Variants in TBCK observed in about 807,000 individuals in gnomAD.
TBCK encodes TBC1 domain containing kinase.
TBCK carries 99 observed loss-of-function variants against 113.4 expected under a neutral mutation model. The observed-to-expected ratio is 0.87, with a 90% CI of 0.74 to 1.03. The LOEUF (loss-of-function observed/expected upper bound fraction) is 1.03. TBCK is among the 50% of genes least tolerant of loss of function. TBCK has a pLI of 0.00. For synonymous variants in TBCK, 369 were observed against 370.8 expected, an observed-to-expected ratio of 1.00 and a Z score of 0.05; for missense variants, 1,045 against 1,061.3, an observed-to-expected ratio of 0.98 and a Z score of 0.21.
intron 22 of TBCK, among the ~76,000 whole-genome samples, chr4:106,178,062 C>A (rs975585804): frequency 6.6e-6 from 1 of 151,620 alleles, no homozygotes; most frequent in South Asian, 2.1e-4. Context: ...TTTGTTCCTA[C>A]ATATTTTATT....
chr4:106,177,249 T>C lies in TBCK; in HGVS notation c.2060-5979A>G, dbSNP rs188027075. 2.0e-5 allele frequency among the ~76,000 whole-genome samples: 3 copies of C among 151,896 alleles called. No individual in the cohort carries two copies. The East Asian group carries it at 5.8e-4, about 29-fold the overall frequency. ...ATGTACTCTGGCTACTAATCCTTTGTTGGTTGAAGAGTTTGCACATTTCCT... is the reference window on the plus strand; with the variant it reads ...ATGTACTCTGGCTACTAATCCTTTGCTGGTTGAAGAGTTTGCACATTTCCT... On this transcript the variant is annotated intron_variant, in intron 22 of 25. Coordinates refer to ENST00000394708, the MANE Select transcript of TBCK (RefSeq NM_001163435.3).
intron 23 of TBCK, among the ~76,000 whole-genome samples, chr4:106,145,441 C>T (rs941059374): frequency 6.6e-6 from 1 of 152,206 alleles, no homozygotes; most frequent in Admixed American, 6.5e-5. Context: ...TACTCATGCT[C>T]ACACATATTC....
chr4:106,229,960 A>G (rs1324958374), intron 19 of TBCK, among the ~76,000 whole-genome samples: 2 of 151,954 alleles, frequency 1.3e-5, no homozygotes, highest in Non-Finnish European at 2.9e-5. Flanking sequence ...TTGGGTATGC[A>G]TGCATGGGAA....
chr4:106,070,565 G>A (rs1003919335), intron 25 of TBCK, among the ~76,000 whole-genome samples: 6 of 151,964 alleles, frequency 3.9e-5, no homozygotes, highest in African/African-American at 9.7e-5. Context: ...GAGGATTTTC[G>A]CATGGGTGTT....
intron 25 of TBCK, among the ~76,000 whole-genome samples, chr4:106,073,675 C>A (rs1422931573): frequency 6.6e-6 from 1 of 152,184 alleles, no homozygotes; most frequent in Non-Finnish European, 1.5e-5. Flanking sequence ...TTTAAGTCTG[C>A]AGAAGTTTCT....
At chr4:106,079,007 C>G (rs532333323) in intron 25 of TBCK, among the ~76,000 whole-genome samples, 2 of 152,202 alleles carry the variant, frequency 1.3e-5, no homozygotes, top group African/African-American at 4.8e-5. Flanking sequence ...ATATGATTCA[C>G]TACATAAACA....
intron 5 of TBCK, among the ~76,000 whole-genome samples, chr4:106,255,417 T>C (rs1761873902): frequency 6.6e-6 from 1 of 152,014 alleles, no homozygotes; most frequent in Non-Finnish European, 1.5e-5. Flanking sequence ...GAGTGTGGGG[T>C]CTGGCCACTG....
At chr4:106,292,434 G>A (rs887420007) in intron 3 of TBCK, among the ~76,000 whole-genome samples, 1 of 151,982 alleles carries the variant, frequency 6.6e-6, no homozygotes, top group African/African-American at 2.4e-5. Flanking sequence ...GCAAGGCATG[G>A]TGGTGGGCGC....
intron 12 of TBCK, 96 bp downstream of exon 12, chr4:106,242,374 G>T: frequency 4.0e-6 from 3 of 746,982 alleles, no homozygotes; most frequent in Non-Finnish European, 6.1e-6. Context: ...CCCATATTTT[G>T]TGAAATCAAA....
At chr4:106,084,544 C>T (rs560618567) in intron 25 of TBCK, among the ~76,000 whole-genome samples, 2 of 152,256 alleles carry the variant, frequency 1.3e-5, no homozygotes, top group South Asian at 2.1e-4. Context: ...ACTTCCCCAA[C>T]CTAGCAAAAC....
intron 23 of TBCK, among the ~76,000 whole-genome samples, chr4:106,141,808 A>G (rs1036269397): frequency 7.1e-6 from 1 of 141,146 alleles, no homozygotes; most frequent in Admixed American, 7.0e-5. Flanking sequence ...TCATTTAGCT[A>G]TAAGTTTAAT....
chr4:106,283,975 G>A (rs1764874645), intron 3 of TBCK, among the ~76,000 whole-genome samples: 1 of 152,158 alleles, frequency 6.6e-6, no homozygotes, highest in Non-Finnish European at 1.5e-5. Context: ...CTATTGCCAA[G>A]TTTGTATTAA....
At chr4:106,274,023 A>G (rs961014173) in intron 3 of TBCK, among the ~76,000 whole-genome samples, 1 of 152,244 alleles carries the variant, frequency 6.6e-6, no homozygotes, top group Non-Finnish European at 1.5e-5. Flanking sequence ...AGAAGCCATC[A>G]TGAATAACAA....
chr4:106,194,752 G>A lies in TBCK; in HGVS notation c.1863C>T (p.Leu621=). The A allele has an allele frequency of 3.8e-6, 6 of 1,581,774 alleles. No homozygotes were observed. Among genetic ancestry groups the A allele is most frequent in the Non-Finnish European group, 5.1e-6 (6 of 1,169,544 alleles). The change falls in exon 21 of 26, where the codon CTC becomes CTT. Residue 621 remains leucine (L), a splice_region_variant and synonymous_variant. Transcript: ENST00000394708. ...TGGTAAGAAACCAAGGGATGGCATA[G>A]AGCTATGAGTGGAAAAAGGGGTACA... is the stretch of plus-strand genomic sequence containing the variant. ...HLNEIGFIPD[L]YAIPWFLTMF...
intron 3 of TBCK, among the ~76,000 whole-genome samples, chr4:106,285,379 C>A (rs755550209): frequency 6.6e-6 from 1 of 151,944 alleles, no homozygotes; most frequent in Non-Finnish European, 1.5e-5. Flanking sequence ...TGGAGCTTCA[C>A]GATAGGCTTA....
At chr4:106,144,297 T>C (rs1747503378) in intron 23 of TBCK, among the ~76,000 whole-genome samples, 1 of 152,220 alleles carries the variant, frequency 6.6e-6, no homozygotes, top group Non-Finnish European at 1.5e-5. Flanking sequence ...CTGTTTCGAA[T>C]AAAAGTTGAG....
chr4:106,124,410 A>C (rs1342399533), intron 23 of TBCK, among the ~76,000 whole-genome samples: 2 of 152,246 alleles, frequency 1.3e-5, no homozygotes, highest in Non-Finnish European at 2.9e-5. Flanking sequence ...GTGGAACTGT[A>C]AACTAGTTCA....
chr4:106,121,782 C>T (rs1243874345), intron 23 of TBCK, among the ~76,000 whole-genome samples: 5 of 152,128 alleles, frequency 3.3e-5, no homozygotes, highest in African/African-American at 1.2e-4. Flanking sequence ...CTACTGGATA[C>T]ATGACGAAAT....
At chr4:106,241,842 C>T (rs1039842856) in intron 12 of TBCK, among the ~76,000 whole-genome samples, 1 of 149,660 alleles carries the variant, frequency 6.7e-6, no homozygotes, top group Non-Finnish European at 1.5e-5. Context: ...AAATAAGTTA[C>T]AAGAAAAAAT....
Sources: allele counts gnomAD v4.1 joint callset (sites outside exome capture counted in the v4.1 genomes callset), GRCh38; gene constraint gnomAD v4.1.1; transcripts MANE v1.5; gene names NCBI Gene and HGNC (gene_info 2026-07-23, HGNC 2026-07-21).